The following CELF4 variants were observed in gnomAD, a reference collection of about 807,000 sequenced individuals.
CELF4 encodes CUG-BP- and ETR-3-like factor 4.
In CELF4, 18 loss-of-function variants were observed where a neutral mutation model predicts 59.9. That is an observed-to-expected ratio of 0.30 (90% CI 0.21 to 0.45). The LOEUF (loss-of-function observed/expected upper bound fraction) is 0.45. Among genes scored for constraint, CELF4 ranks in the 20% least tolerant of loss-of-function variants. The pLI is 1.00. For missense variants in CELF4, 456 were observed against 689.0 expected (o/e 0.66, Z 3.79); for synonymous variants, 261 against 267.1 (o/e 0.98, Z 0.22).
intron 1 of CELF4, among the ~76,000 whole-genome samples, chr18:37,518,235 G>GA: frequency 6.6e-6 from 1 of 152,138 alleles, no homozygotes; most frequent in African/African-American, 2.4e-5. Context: ...GCGGGCAAGC[G>GA]TAATATTACC....
chr18:37,293,583 T>G (rs2095472952), intron 3 of CELF4, among the ~76,000 whole-genome samples: 1 of 152,124 alleles, frequency 6.6e-6, no homozygotes, highest in Non-Finnish European at 1.5e-5. Context: ...GGATGCAAAT[T>G]TGGGGAGAAG....
At chr18:37,466,382 G>T (rs1334742888) in intron 2 of CELF4, among the ~76,000 whole-genome samples, 1 of 151,540 alleles carries the variant, frequency 6.6e-6, no homozygotes, top group Admixed American at 6.6e-5. Flanking sequence ...AAGGAAAAAT[G>T]GAACTGTGGT....
chr18:37,434,567 C>T (rs576328060), intron 2 of CELF4, among the ~76,000 whole-genome samples: 15 of 152,276 alleles, frequency 9.9e-5, no homozygotes, highest in African/African-American at 3.4e-4. Context: ...CGAAGAGCAG[C>T]GAGGAGATGG....
At chr18:37,358,014 T>C (rs181463125) in intron 2 of CELF4, among the ~76,000 whole-genome samples, 25 of 152,250 alleles carry the variant, frequency 1.6e-4, no homozygotes, top group African/African-American at 6.0e-4. Context: ...TTGTCTCAGG[T>C]GAGACTCTGG....
Position 37,259,025 on chromosome 18 carries a change from G to T in CELF4, c.1333+156C>A, listed in dbSNP as rs1439880573. 14 of 1,151,686 alleles carry T rather than the reference G, an allele frequency of 1.2e-5. No homozygotes were observed. In the Admixed American group the frequency reaches 1.9e-4, roughly 15 times the overall value. The allele number at this position is 1,151,686 out of a possible 1,614,324, so 71.3% of individuals were successfully genotyped here. ...ATGGAGCAGCTGGGGCGGGGGCAAT[G>T]TGAAGGAGCAGGTTAAAAGCAGTCG... On this transcript the variant is annotated intron_variant, in intron 11 of 12. Coordinates refer to ENST00000420428, the MANE Select transcript of CELF4 (RefSeq NM_020180.4).
intron 2 of CELF4, among the ~76,000 whole-genome samples, chr18:37,412,793 T>C (rs963185584): frequency 6.6e-6 from 1 of 152,150 alleles, no homozygotes; most frequent in Non-Finnish European, 1.5e-5. Flanking sequence ...ATGAGAATGA[T>C]GGAGGCAGAG....
At chr18:37,367,998 G>C (rs759812895) in intron 2 of CELF4, among the ~76,000 whole-genome samples, 4 of 152,034 alleles carry the variant, frequency 2.6e-5, no homozygotes, top group Non-Finnish European at 5.9e-5. Flanking sequence ...GCATGGTGCG[G>C]TGCAGCCCAG....
Position 37,294,949 on chromosome 18 carries a change from G to A in CELF4, c.449-19706C>T, listed in dbSNP as rs148731159. Among the ~76,000 whole-genome samples the A allele has an allele frequency of 1.1e-3, 173 of 152,296 alleles. 2 individuals are homozygous for A. The highest frequency in any genetic ancestry group is 3.9e-3 in the African/African-American group (161 of 41,568). On this transcript the variant is annotated intron_variant, in intron 3 of 12. Transcript: ENST00000420428. ...CAGAAGGTAAACTTCTCTGTTTTCC[G>A]CTAGTTTATAGTCTGCTTTTCAAGT... is the stretch of plus-strand genomic sequence containing the variant.
chr18:37,384,384 C>A (rs564560291), intron 2 of CELF4, among the ~76,000 whole-genome samples: 1 of 151,998 alleles, frequency 6.6e-6, no homozygotes, highest in South Asian at 2.1e-4. Context: ...GGCAGAGGGA[C>A]TGGGGATGAG....
rs1333235200 is a variant in CELF4 at position 37,253,934 on chromosome 18, G to A, written c.1338C>T (p.Phe446=). 8 of 1,600,244 alleles carry A rather than the reference G, an allele frequency of 5.0e-6. No homozygotes were observed. The East Asian group carries it at 6.9e-5, about 14-fold the overall frequency. Residue 446 remains phenylalanine, a synonymous_variant, in exon 12 of 13, where the codon TTC becomes TTT. Transcript: ENST00000420428. The surrounding 1 kb of genome is among the most constrained non-coding windows in gnomAD (Gnocchi z 4.5). ...CGCTGGCCGGGTTGTCGAAGCTCAC[G>A]AAGCCTGGCGAGACACGAGGGACGA... ...ELMQMFLPFG[F]VSFDNPASAQ... is the part of the protein sequence containing the mutation.
At chr18:37,444,472 T>A (rs904297523) in intron 2 of CELF4, among the ~76,000 whole-genome samples, 1 of 151,880 alleles carries the variant, frequency 6.6e-6, no homozygotes. Context: ...TATGGTGAGG[T>A]CACTTATGAA....
chr18:37,401,072 C>T (rs963507307), intron 2 of CELF4, among the ~76,000 whole-genome samples: 2 of 152,222 alleles, frequency 1.3e-5, no homozygotes, highest in African/African-American at 2.4e-5. Context: ...CTGCTGGGCT[C>T]TACTGGTTCC....
intron 2 of CELF4, among the ~76,000 whole-genome samples, chr18:37,325,524 C>T (rs560819206): frequency 6.6e-6 from 1 of 152,330 alleles, no homozygotes; most frequent in South Asian, 2.1e-4. Context: ...GGCATCTGGG[C>T]ACCTGTGATG....
chr18:37,489,706 G>A (rs772024410), intron 1 of CELF4, among the ~76,000 whole-genome samples: 15 of 152,228 alleles, frequency 9.9e-5, no homozygotes, highest in Admixed American at 2.6e-4. Context: ...CATCCCTGGC[G>A]GGGCCCTTTG....
intron 1 of CELF4, among the ~76,000 whole-genome samples, chr18:37,519,010 C>G (rs985600801): frequency 6.6e-5 from 10 of 152,182 alleles, no homozygotes; most frequent in Non-Finnish European, 1.3e-4. Context: ...GGACTGAAAG[C>G]ATAAGATTAA....
chr18:37,451,715 C>T (rs902433407), intron 2 of CELF4, among the ~76,000 whole-genome samples: 4 of 152,188 alleles, frequency 2.6e-5, no homozygotes, highest in Non-Finnish European at 5.9e-5. Flanking sequence ...AGTCAGCACA[C>T]CCTGAAGAGC....
At chr18:37,446,761 C>A (rs550088631) in intron 2 of CELF4, among the ~76,000 whole-genome samples, 1 of 152,172 alleles carries the variant, frequency 6.6e-6, no homozygotes, top group African/African-American at 2.4e-5. Flanking sequence ...CACTGTCAAG[C>A]CTGTTTTCAG....
At chr18:37,505,477 C>T (rs983760553) in intron 1 of CELF4, among the ~76,000 whole-genome samples, 31 of 152,168 alleles carry the variant, frequency 2.0e-4, no homozygotes, top group African/African-American at 6.5e-4. Flanking sequence ...GGCTGGAGTT[C>T]AGGCACAGTG....
At chr18:37,353,561 G>C (rs2098504299) in intron 2 of CELF4, among the ~76,000 whole-genome samples, 1 of 149,672 alleles carries the variant, frequency 6.7e-6, no homozygotes, top group South Asian at 2.2e-4. Context: ...CAGCAAGCAG[G>C]AGAGACCAGG....
Sources: gnomAD v4.1 joint callset for allele counts (sites outside exome capture counted in the v4.1 genomes callset) on GRCh38, gnomAD v4.1.1 for gene constraint, Gnocchi (gnomAD v3.1) non-coding constraint, MANE v1.5 for transcripts, NCBI Gene and HGNC (gene_info 2026-07-23, HGNC 2026-07-21) for gene names.